Variants in CNTN4 observed in about 807,000 individuals in gnomAD.
CNTN4 encodes the protein contactin 4.
In CNTN4, 77 loss-of-function variants were observed where a neutral mutation model predicts 122.5. That is an observed-to-expected ratio of 0.63 (90% CI 0.52 to 0.76). The LOEUF is 0.76. Ranked by LOEUF, CNTN4 falls within the 30% of genes least tolerant of loss-of-function variation. The probability of loss-of-function intolerance (pLI) is 0.00; values close to 1 mark genes in which losing one functional copy is unlikely to be tolerated. For missense variants in CNTN4, 1,256 were observed against 1,259.1 expected (o/e 1.00, Z 0.04); for synonymous variants, 512 against 447.0 (o/e 1.15, Z -1.83).
intron 4 of CNTN4, among the ~76,000 whole-genome samples, chr3:2,622,451 C>A (rs943004940): frequency 6.6e-6 from 1 of 151,976 alleles, no homozygotes; most frequent in South Asian, 2.1e-4. Flanking sequence ...GCCACCACGC[C>A]CAGCTAATTT....
chr3:2,995,210 G>T (rs956856359), intron 14 of CNTN4, among the ~76,000 whole-genome samples: 6 of 152,052 alleles, frequency 3.9e-5, no homozygotes, highest in African/African-American at 1.4e-4. Context: ...TTAAAAGAAG[G>T]GTAGGTAATT....
At chr3:2,213,973 T>A (rs987283155) in intron 2 of CNTN4, among the ~76,000 whole-genome samples, 23 of 152,292 alleles carry the variant, frequency 1.5e-4, no homozygotes, top group Non-Finnish European at 7.4e-5. Context: ...GCTTGGAGGC[T>A]TATTTCGTAC....
intron 4 of CNTN4, among the ~76,000 whole-genome samples, chr3:2,573,449 C>T (rs2079518607): frequency 6.6e-6 from 1 of 152,140 alleles, no homozygotes; most frequent in Admixed American, 6.5e-5. Context: ...TTCTCTGGGA[C>T]CTTGACCCTC....
chr3:2,723,123 A>C (rs771650666), intron 4 of CNTN4, among the ~76,000 whole-genome samples: 4 of 152,222 alleles, frequency 2.6e-5, no homozygotes, highest in African/African-American at 4.8e-5. Context: ...AAAGTGGACC[A>C]GTTTTACTGT....
At chr3:3,023,416 A>C (rs2125613652) in intron 14 of CNTN4, among the ~76,000 whole-genome samples, 1 of 152,302 alleles carries the variant, frequency 6.6e-6, no homozygotes, top group African/African-American at 2.4e-5. Flanking sequence ...AAGACAGCTA[A>C]GTTTACCAAT....
chr3:2,687,616 C>T (rs2085504215), intron 4 of CNTN4, among the ~76,000 whole-genome samples: 1 of 152,182 alleles, frequency 6.6e-6, no homozygotes, highest in Non-Finnish European at 1.5e-5. Flanking sequence ...CACTACTGCA[C>T]TCCACTCCGA....
chr3:2,215,883 CA>C (rs869205172), intron 2 of CNTN4, among the ~76,000 whole-genome samples: 82 of 60,256 alleles, frequency 1.4e-3, no homozygotes, highest in Middle Eastern at 0.014. Flanking sequence ...GCCTCTGTCT[CA>C]AAAAAAAAAA....
chr3:2,729,360 T>TC (rs1559437891), intron 4 of CNTN4, among the ~76,000 whole-genome samples: 1 of 150,154 alleles, frequency 6.7e-6, no homozygotes, highest in East Asian at 2.0e-4. Flanking sequence ...GTCAGGAGAT[T>TC]GAGACCATCC....
chr3:2,424,611 T>C (rs62233800), intron 3 of CNTN4, among the ~76,000 whole-genome samples: 35,448 of 152,114 alleles, frequency 0.23, 5,313 homozygotes, highest in Non-Finnish European at 0.35. Flanking sequence ...AAATGGTATT[T>C]CTAGTTCTAG....
At chr3:2,201,645 G>T (rs1295739448) in intron 2 of CNTN4, among the ~76,000 whole-genome samples, 3 of 152,120 alleles carry the variant, frequency 2.0e-5, no homozygotes, top group African/African-American at 7.2e-5. Context: ...GCCAGGTCCA[G>T]CAGGCAGCTA....
At chr3:2,429,685 A>C (rs1369095313) in intron 3 of CNTN4, among the ~76,000 whole-genome samples, 2 of 152,166 alleles carry the variant, frequency 1.3e-5, no homozygotes, top group African/African-American at 4.8e-5. Flanking sequence ...GAAGAGTTGG[A>C]GTCTACAGAG....
At chr3:3,052,255 G>A (rs1701343226) in intron 23 of CNTN4, among the ~76,000 whole-genome samples, 1 of 152,164 alleles carries the variant, frequency 6.6e-6, no homozygotes. Context: ...CTTTGAGCTA[G>A]AGAGTTCTTT....
rs141448633 is a variant in CNTN4, at chr3:2,688,060, A to C, written c.56-48155A>C. 5.4e-3 allele frequency among the ~76,000 whole-genome samples: 821 copies of C among 152,300 alleles called. 5 individuals are homozygous for C. The highest frequency in any genetic ancestry group is 0.017 in the African/African-American group (691 of 41,574). On this transcript the variant is annotated intron_variant, in intron 4 of 24. Transcript: ENST00000418658. Reference sequence around the variant, plus strand: ...AGTTGAGTACTTGTATCTGGAAGGGAATCAAAACAACAACAACAAAAGATA... The same window carrying C: ...AGTTGAGTACTTGTATCTGGAAGGGCATCAAAACAACAACAACAAAAGATA...
chr3:2,607,610 C>CCA (rs61707029), intron 4 of CNTN4, among the ~76,000 whole-genome samples: 5 of 145,364 alleles, frequency 3.4e-5, no homozygotes, highest in African/African-American at 7.6e-5. Context: ...ACATATGCAT[C>CCA]CACACACACA....
chr3:2,268,683 T>A (rs1438205395), intron 2 of CNTN4, among the ~76,000 whole-genome samples: 1 of 152,138 alleles, frequency 6.6e-6, no homozygotes, highest in Non-Finnish European at 1.5e-5. Flanking sequence ...TCTATTTATC[T>A]GTCAATCAAG....
chr3:2,804,848 A>C (rs1185513168), intron 6 of CNTN4, among the ~76,000 whole-genome samples: 2 of 151,918 alleles, frequency 1.3e-5, no homozygotes, highest in Admixed American at 6.6e-5. Flanking sequence ...TAGGCACACA[A>C]CACCATGCCC....
At chr3:2,180,888 C>A (rs2036984553) in intron 2 of CNTN4, among the ~76,000 whole-genome samples, 1 of 151,978 alleles carries the variant, frequency 6.6e-6, no homozygotes, top group Admixed American at 6.6e-5. Flanking sequence ...CAAGGTCAAA[C>A]CCAGAGTAAA....
intron 14 of CNTN4, among the ~76,000 whole-genome samples, chr3:2,989,464 TA>T (rs551842304): frequency 4.0e-4 from 50 of 124,212 alleles, no homozygotes; most frequent in Non-Finnish European, 6.8e-4. Flanking sequence ...TGAAGGCAAA[TA>T]AAAATATCAA....
At chr3:2,621,983 A>G (rs533250907) in intron 4 of CNTN4, among the ~76,000 whole-genome samples, 1 of 152,274 alleles carries the variant, frequency 6.6e-6, no homozygotes, top group East Asian at 1.9e-4. Context: ...GCAGAACTGC[A>G]GCCTCGCTAC....
Sources: gnomAD v4.1 joint callset for allele counts (sites outside exome capture counted in the v4.1 genomes callset) on GRCh38, gnomAD v4.1.1 for gene constraint, MANE v1.5 for transcripts, NCBI Gene and HGNC (gene_info 2026-07-23, HGNC 2026-07-21) for gene names.